KLHL38: variants seen among roughly 807,000 people sequenced by gnomAD.
The protein encoded by KLHL38 is kelch like family member 38.
In KLHL38, 38 loss-of-function variants were observed where a neutral mutation model predicts 39.6. The ratio of observed to expected loss-of-function variants is 0.96; its 90% CI spans 0.74 to 1.26. The LOEUF (loss-of-function observed/expected upper bound fraction) is 1.26, where lower values mean the gene tolerates loss of function less well. Among genes scored for constraint, KLHL38 ranks in the 50% most tolerant of loss-of-function variants. The pLI, the probability that KLHL38 is intolerant of heterozygous loss-of-function variation, is 0.00. For missense variants in KLHL38, 803 were observed against 748.1 expected (o/e 1.07, Z -0.86); for synonymous variants, 322 against 302.2 (o/e 1.07, Z -0.68).
At chr8:123,650,588 G>A (rs1812626611) in intron 2 of KLHL38, among the ~76,000 whole-genome samples, 1 of 152,064 alleles carries the variant, frequency 6.6e-6, no homozygotes, top group South Asian at 2.1e-4. Context: ...GCTTCTGATT[G>A]TCTGTAAAGG....
chr8:123,647,149 T>C (rs1473695991), intron 2 of KLHL38, 135 bp from the exon 3 acceptor site: 2 of 629,122 alleles, frequency 3.2e-6, no homozygotes, highest in African/African-American at 3.6e-5. Context: ...AAAATGTAGC[T>C]ATTGTTAATA....
intron 1 of KLHL38, among the ~76,000 whole-genome samples, 117 bp downstream of exon 1, chr8:123,653,468 TC>T (rs1428517346): frequency 6.6e-6 from 1 of 152,202 alleles, no homozygotes; most frequent in Non-Finnish European, 1.5e-5. Context: ...AAATATGACT[TC>T]ATTGAGTCTT....
rs575032319 is a variant in KLHL38, at chr8:123,645,113, CAGAG to C, written c.*622_*625del. ...AGAGAAGCAGAGAGGGGGAGACAGA[CAGAG>C]AGAGAGAAGAGAGACAGAAACTGAG... On this transcript the variant is annotated 3_prime_UTR_variant, in exon 4 of 4. Coordinates refer to ENST00000684634, the MANE Select transcript of KLHL38 (RefSeq NM_001081675.3). Among the ~76,000 whole-genome samples, 22 of 148,612 alleles carry C rather than the reference CAGAG, an allele frequency of 1.5e-4. No homozygotes were observed. Among genetic ancestry groups the C allele is most frequent in the Non-Finnish European group, 2.8e-4 (19 of 67,114 alleles).
Position 123,651,652 on chromosome 8 carries a change from T to C in KLHL38, c.1275A>G (p.Ala425=). 6.2e-7 allele frequency: 1 copy of C among 1,613,972 alleles called. No individual in the cohort carries two copies. Among genetic ancestry groups the C allele is most frequent in the South Asian group, 1.1e-5 (1 of 91,066 alleles). The change falls in exon 2 of 4, where the codon GCA becomes GCG. Residue 425 remains alanine (A), a synonymous_variant. Transcript: ENST00000684634. ...ASMPVGVLHP[A]VAVKDQRLYL... ...AGAGTCTTTGGTCTTTCACAGCGAC[T>C]GCGGGGTGGAGCACCCCCACGGGCA...
chr8:123,653,185 A>T (rs1469557266), intron 1 of KLHL38, among the ~76,000 whole-genome samples: 2 of 152,254 alleles, frequency 1.3e-5, no homozygotes, highest in Non-Finnish European at 2.9e-5. Context: ...ATCTGAGAGA[A>T]ACAACCAAAC....
intron 2 of KLHL38, among the ~76,000 whole-genome samples, chr8:123,649,880 C>T (rs975274547): frequency 1.3e-5 from 2 of 152,138 alleles, no homozygotes; most frequent in Admixed American, 6.5e-5. Flanking sequence ...TCCTGCTTTC[C>T]GCTGCCCAGG....
chr8:123,649,831 C>T (rs879860957), intron 2 of KLHL38, among the ~76,000 whole-genome samples: 2 of 152,178 alleles, frequency 1.3e-5, no homozygotes, highest in Non-Finnish European at 2.9e-5. Flanking sequence ...CCTCTGCACA[C>T]TGCCCTTCTC....
In KLHL38 at chr8:123,650,347, GT is replaced by G. The variant is rs376914900; in HGVS notation, c.1350+1229del. Among the ~76,000 whole-genome samples, 13 of 152,286 alleles carry G rather than the reference GT, an allele frequency of 8.5e-5. No homozygotes were observed. The East Asian group carries it at 2.5e-3, about 29-fold the overall frequency. On this transcript the variant is annotated intron_variant, in intron 2 of 3. Transcript: ENST00000684634. ...AAAAAAAATCTCATCATGTTTTAAA[GT>G]TTATGAATTTGTGTTGGGCCGCATT...
intron 3 of KLHL38, 42 bp from the exon 4 acceptor site, chr8:123,646,070 T>C: frequency 6.3e-7 from 1 of 1,577,748 alleles, no homozygotes; most frequent in Non-Finnish European, 8.7e-7. Context: ...GTGTTGCTCA[T>C]CTGGGACTGG....
intron 2 of KLHL38, among the ~76,000 whole-genome samples, chr8:123,650,809 A>T (rs1387148380): frequency 6.6e-6 from 1 of 152,158 alleles, no homozygotes; most frequent in Non-Finnish European, 1.5e-5. Flanking sequence ...ACATTTTAGG[A>T]TCTCACACAA....
rs1318772126 is a variant in KLHL38, at chr8:123,652,746, C to A, written c.181G>T (p.Ala61Ser). Reference protein sequence around the residue: ...VLASSSPYFRAMFCSSFREKS... With the variant: ...VLASSSPYFRSMFCSSFREKS... The stretch of plus-strand genomic sequence containing the variant: ...TCCCGGAAGCTGCTGCAGAACATAG[C>A]CCTGAAGTAGGGGCTGCTGGAGGCC... The change falls in exon 2 of 4, where the codon GCT becomes TCT. Residue 61 changes from alanine to serine, a missense_variant. Transcript: ENST00000684634. 1 of 1,614,208 alleles carries A rather than the reference C, an allele frequency of 6.2e-7. No homozygotes were observed. The highest frequency in any genetic ancestry group is 8.5e-7 in the Non-Finnish European group (1 of 1,180,022).
At chr8:123,649,219 G>C (rs1056987940) in intron 2 of KLHL38, among the ~76,000 whole-genome samples, 3 of 152,160 alleles carry the variant, frequency 2.0e-5, no homozygotes, top group Non-Finnish European at 4.4e-5. Context: ...AGAAAAGAAG[G>C]AGGGGCTCCA....
Position 123,652,386 on chromosome 8 carries a change from T to G in KLHL38, c.541A>C (p.Arg181=). ...DLKELCALEL[R]DYLGDDGLCG... ...AGCCCATCATCTCCGAGATAGTCCC[T>G]CAACTCCAAGGCACAGAGCTCCTTC... Residue 181 remains arginine (R), a synonymous_variant, in exon 2 of 4, where the codon AGG becomes CGG. Transcript: ENST00000684634. 6.2e-7 allele frequency: 1 copy of G among 1,614,012 alleles called. No homozygotes were observed. Among genetic ancestry groups the G allele is most frequent in the Non-Finnish European group, 8.5e-7 (1 of 1,180,028 alleles).
chr8:123,648,043 T>C (rs950540865), intron 2 of KLHL38, among the ~76,000 whole-genome samples: 3 of 152,200 alleles, frequency 2.0e-5, no homozygotes, highest in Admixed American at 6.5e-5. Flanking sequence ...ATCACACCAC[T>C]GCACTCTAGC....
Position 123,652,792 on chromosome 8 carries a change from G to GA in KLHL38, c.134dup (p.Cys47LeufsTer26). On this transcript the variant is annotated frameshift_variant, in exon 2 of 4. Transcript: ENST00000684634. LOFTEE classifies it high-confidence loss of function. ...AGGCCAGCACGTTGCGGTGGCAGGG[G>GA]ATCTCCCGGGCACCGGCACAGATGC... 6.2e-7 allele frequency: 1 copy of GA among 1,614,012 alleles called. No individual in the cohort carries two copies. Among genetic ancestry groups the GA allele is most frequent in the Middle Eastern group, 1.6e-4 (1 of 6,062 alleles).
At position 123,645,615 on chromosome 8, in the gene KLHL38, G is replaced by T. The variant is rs537048308; in HGVS notation, c.*124C>A. On this transcript the variant is annotated 3_prime_UTR_variant, in exon 4 of 4. Transcript: ENST00000684634. ...TGCAATGCCTAGTTCCAGGCCTCCC[G>T]ACTCTGGTACCTCAGTCTTGTGAGC... is the stretch of plus-strand genomic sequence containing the variant. 1.9e-6 allele frequency: 2 copies of T among 1,056,786 alleles called. No individual in the cohort carries two copies. The highest frequency in any genetic ancestry group is 1.5e-5 in the South Asian group (1 of 65,504). 65.5% of individuals were successfully genotyped at this position (1,056,786 alleles called of 1,614,324 possible).
chr8:123,652,945 A>G lies in KLHL38; in HGVS notation c.-1-18T>C. 4.5e-6 allele frequency: 7 copies of G among 1,569,150 alleles called. No homozygotes were observed. Among genetic ancestry groups the G allele is most frequent in the Non-Finnish European group, 6.0e-6 (7 of 1,163,296 alleles). ...CGTCCATCCTACAAAGAGGGAAGGA[A>G]GCCCCCAGAGTCAGCAAGAGTCAAA... On this transcript the variant is annotated intron_variant, in intron 1 of 3. Transcript: ENST00000684634.
rs1249687251 is a variant in KLHL38, at chr8:123,645,279, A to T, written c.*460T>A. Among the ~76,000 whole-genome samples the T allele has an allele frequency of 6.6e-6, 1 of 152,048 alleles. No homozygotes were observed. Among genetic ancestry groups the T allele is most frequent in the African/African-American group, 2.4e-5 (1 of 41,374 alleles). On this transcript the variant is annotated 3_prime_UTR_variant, in exon 4 of 4. Transcript: ENST00000684634. ...ATAGTGAAACCCTGTCTTTACTAAA[A>T]CGCAAAAATTAGCTGGACTTGGTGG...
intron 1 of KLHL38, 89 bp from the exon 2 acceptor site, chr8:123,653,016 A>G: frequency 1.6e-6 from 2 of 1,282,808 alleles, no homozygotes; most frequent in Admixed American, 5.0e-5. Context: ...TGGGGACTCC[A>G]AGACCAGTGC....
Sources: gnomAD v4.1 joint callset for allele counts (sites outside exome capture counted in the v4.1 genomes callset) on GRCh38, gnomAD v4.1.1 for gene constraint, MANE v1.5 for transcripts, NCBI Gene and HGNC (gene_info 2026-07-23, HGNC 2026-07-21) for gene names.